Variants in NPAT observed in about 807,000 individuals in gnomAD.
NPAT encodes nuclear protein, coactivator of histone transcription, also known as protein NPAT.
A neutral mutation model predicts 130.7 loss-of-function variants in NPAT; 52 were observed. That is an observed-to-expected ratio of 0.40 (90% confidence interval 0.32 to 0.50). The LOEUF (loss-of-function observed/expected upper bound fraction) is 0.50. NPAT is among the 20% of genes least tolerant of loss of function. The probability of loss-of-function intolerance (pLI) is 0.68; values close to 1 mark genes in which losing one functional copy is unlikely to be tolerated. For synonymous variants in NPAT, 580 were observed against 584.8 expected, an observed-to-expected ratio of 0.99 and a Z score of 0.12; for missense variants, 1,687 against 1,662.6, an observed-to-expected ratio of 1.01 and a Z score of -0.26.
intron 10 of NPAT, among the ~76,000 whole-genome samples, chr11:108,179,598 A>C (rs2078040920): frequency 6.6e-6 from 1 of 152,210 alleles, no homozygotes; most frequent in African/African-American, 2.4e-5. Context: ...GTTAGACCTA[A>C]AAGTATAAAA....
chr11:108,194,758 T>G (rs2078203981), intron 2 of NPAT, among the ~76,000 whole-genome samples: 1 of 152,126 alleles, frequency 6.6e-6, no homozygotes, highest in Admixed American at 6.5e-5. Flanking sequence ...CAAGCCATGT[T>G]CCTACCTCAG....
At chr11:108,176,148 T>C in intron 12 of NPAT, 98 bp downstream of exon 12, 1 of 925,082 alleles carries the variant, frequency 1.1e-6, no homozygotes, top group Non-Finnish European at 1.7e-6. Context: ...TATAACAATC[T>C]GAACAACTTC....
At chr11:108,218,862 G>A (rs2078458022) in intron 1 of NPAT, among the ~76,000 whole-genome samples, 1 of 152,126 alleles carries the variant, frequency 6.6e-6, no homozygotes, top group Non-Finnish European at 1.5e-5. Flanking sequence ...AGACAAAATG[G>A]GTAAGGATCA....
chr11:108,200,438 C>G (rs556620463), intron 1 of NPAT, among the ~76,000 whole-genome samples: 4 of 152,116 alleles, frequency 2.6e-5, no homozygotes, highest in African/African-American at 7.2e-5. Flanking sequence ...TTAGCTGGTA[C>G]GGGACCCATC....
At chr11:108,184,810 C>T (rs1156377610) in intron 10 of NPAT, among the ~76,000 whole-genome samples, 1 of 152,178 alleles carries the variant, frequency 6.6e-6, no homozygotes, top group Non-Finnish European at 1.5e-5. Flanking sequence ...GGATTACAGG[C>T]ATTGAGCCAC....
intron 10 of NPAT, among the ~76,000 whole-genome samples, chr11:108,178,217 C>T (rs529602968): frequency 1.3e-5 from 2 of 152,190 alleles, no homozygotes; most frequent in African/African-American, 4.8e-5. Context: ...CCTCAAAAGC[C>T]CTGTACCAAT....
At chr11:108,216,462 T>C (rs189163014) in intron 1 of NPAT, among the ~76,000 whole-genome samples, 1 of 151,520 alleles carries the variant, frequency 6.6e-6, no homozygotes, top group Non-Finnish European at 1.5e-5. Flanking sequence ...ACATATACAA[T>C]ATATTCATGA....
At chr11:108,189,077 A>C (rs746859826) in intron 6 of NPAT, 29 bp downstream of exon 6, 1 of 1,569,426 alleles carries the variant, frequency 6.4e-7, no homozygotes. Flanking sequence ...ATTAACAACA[A>C]AATTTAAGAG....
At chr11:108,183,927 T>C (rs541288688) in intron 10 of NPAT, among the ~76,000 whole-genome samples, 1 of 152,138 alleles carries the variant, frequency 6.6e-6, no homozygotes, top group African/African-American at 2.4e-5. Context: ...TGAGCCGTGA[T>C]TGAGCCACTG....
intron 1 of NPAT, among the ~76,000 whole-genome samples, chr11:108,202,149 C>A (rs2078281008): frequency 6.6e-6 from 1 of 152,150 alleles, no homozygotes; most frequent in Non-Finnish European, 1.5e-5. Context: ...TCCTAGTCCT[C>A]CCTGCCCATG....
chr11:108,206,759 C>A (rs1200678865), intron 1 of NPAT, among the ~76,000 whole-genome samples: 1 of 152,198 alleles, frequency 6.6e-6, no homozygotes, highest in Non-Finnish European at 1.5e-5. Flanking sequence ...ATGTTATTAT[C>A]CTGCGTCCAG....
chr11:108,158,901 A>G lies in NPAT; in HGVS notation c.*41T>C, dbSNP rs765934115. 9 of 1,156,172 alleles carry G rather than the reference A, an allele frequency of 7.8e-6. No homozygotes were observed. The highest frequency in any genetic ancestry group is 1.3e-6 in the Non-Finnish European group (1 of 767,268). The allele number at this position is 1,156,172 out of a possible 1,614,324, so 71.6% of individuals were successfully genotyped here. A position where few individuals can be genotyped will look rare whatever the true frequency, so the allele number is the denominator to read the frequency against. Reference sequence around the variant, plus strand: ...ATTCCCTACACTCAGTTTAAGGGATATGAGTTTTTAACACCTACTGTTCTT... The same window carrying G: ...ATTCCCTACACTCAGTTTAAGGGATGTGAGTTTTTAACACCTACTGTTCTT... On this transcript the variant is annotated 3_prime_UTR_variant, in exon 18 of 18. Coordinates refer to ENST00000278612, the MANE Select transcript of NPAT (RefSeq NM_002519.3).
At position 108,197,409 on chromosome 11, in the gene NPAT, G is replaced by C; in HGVS notation, c.49C>G (p.Gln17Glu). 6.3e-7 allele frequency: 1 copy of C among 1,599,376 alleles called. No individual in the cohort carries two copies. The highest frequency in any genetic ancestry group is 1.3e-5 in the African/African-American group (1 of 74,748). Residue 17 changes from glutamine to glutamate, a missense_variant, in exon 2 of 18, where the codon CAA becomes GAA. Around this residue, in one of 3 missense-constraint regions of NPAT, gnomAD observed 307 missense variants for 298.9 expected, o/e 1.03. Coordinates refer to ENST00000278612, the MANE Select transcript of NPAT (RefSeq NM_002519.3). ...TGGCAGGTAGAAATGAGGTTTTCTTGCTGTAAGTAACCTAAATAAAAAATA... is the reference window on the plus strand; with the variant it reads ...TGGCAGGTAGAAATGAGGTTTTCTTCCTGTAAGTAACCTAAATAAAAAATA... ...VARLVLGYLQ[Q>E]ENLISTCQTF...
In NPAT at chr11:108,197,364, A is replaced by G; in HGVS notation, c.94T>C (p.Ser32Pro). 6.2e-7 allele frequency: 1 copy of G among 1,613,666 alleles called. No homozygotes were observed. Among genetic ancestry groups the G allele is most frequent in the Non-Finnish European group, 8.5e-7 (1 of 1,179,612 alleles). Residue 32 changes from serine (S) to proline (P), a missense_variant, in exon 2 of 18, where the codon TCA becomes CCA. This residue lies in a region of NPAT where 307 missense variants were observed against 298.9 expected (regional missense o/e 1.03). Transcript: ENST00000278612. ...STCQTFILES[S>P]DLKEYAEHCT... ...TGTTCTGCATATTCTTTTAAATCTG[A>G]ACTTTCCAAAATAAAAGTCTGGCAG...
At chr11:108,221,485 G>A (rs1251198888) in intron 1 of NPAT, among the ~76,000 whole-genome samples, 2 of 152,172 alleles carry the variant, frequency 1.3e-5, no homozygotes, top group African/African-American at 4.8e-5. Context: ...AACCATTTCC[G>A]TTTAACGTTT....
intron 1 of NPAT, among the ~76,000 whole-genome samples, chr11:108,204,339 C>A (rs1046167679): frequency 5.3e-5 from 8 of 151,666 alleles, no homozygotes; most frequent in African/African-American, 7.3e-5. Flanking sequence ...ACATGCACTC[C>A]CACATTCTGA....
rs115767553 is a variant in NPAT at position 108,173,197 on chromosome 11, T to C, written c.1787A>G (p.Gln596Arg). Residue 596 changes from glutamine (Q) to arginine (R), a missense_variant, in exon 13 of 18, where the codon CAA becomes CGA. Around this residue, in one of 3 missense-constraint regions of NPAT, gnomAD observed 1,379 missense variants for 1,346.6 expected, o/e 1.02. Transcript: ENST00000278612. Reference protein sequence around the residue: ...EPVMSQLSNCQDNSCLQSEIL... With the variant: ...EPVMSQLSNCRDNSCLQSEIL... ...TTCACTTTGAAGACAAGAATTATCT[T>C]GGCAATTTGATAGCTGTGACATAAC... 1.3e-4 allele frequency: 216 copies of C among 1,613,816 alleles called. No individual in the cohort carries two copies. In the African/African-American group the frequency reaches 2.7e-3, roughly 20 times the overall value.
intron 4 of NPAT, among the ~76,000 whole-genome samples, chr11:108,190,774 G>A (rs564075425): frequency 2.9e-4 from 44 of 152,256 alleles, no homozygotes; most frequent in Middle Eastern, 3.4e-3. Context: ...TTGACATTAC[G>A]TTAAGAATGC....
rs1197756133 is a variant in NPAT, at chr11:108,209,845, T to C, written c.38-12425A>G. 2.3e-5 allele frequency among the ~76,000 whole-genome samples: 3 copies of C among 132,276 alleles called. No homozygotes were observed. The East Asian group carries it at 6.7e-4, about 29-fold the overall frequency. The allele number at this position is 132,276 out of a possible 152,430, so 86.8% of individuals were successfully genotyped here. On this transcript the variant is annotated intron_variant, in intron 1 of 17. Transcript: ENST00000278612. Reference sequence around the variant, plus strand: ...CAGAGCTTGCAGTGAGCGGAGATCATGCCGCTGCACTCCAGCCTGGGGAAC... The same window carrying C: ...CAGAGCTTGCAGTGAGCGGAGATCACGCCGCTGCACTCCAGCCTGGGGAAC...
Sources: allele counts gnomAD v4.1 joint callset (sites outside exome capture counted in the v4.1 genomes callset), GRCh38; gene constraint gnomAD v4.1.1; regional missense constraint gnomAD v4.1.1; transcripts MANE v1.5; gene names NCBI Gene and HGNC (gene_info 2026-07-23, HGNC 2026-07-21).